Variants in SMG1 observed in about 807,000 individuals in gnomAD.
SMG1 encodes the protein SMG1 nonsense mediated mRNA decay associated PI3K related kinase.
Under a neutral mutation model 419.9 loss-of-function variants are expected in SMG1, and 22 were observed. That is an observed-to-expected ratio of 0.05 (90% CI 0.04 to 0.07). The LOEUF (loss-of-function observed/expected upper bound fraction) is 0.07, where lower values mean the gene tolerates loss of function less well. Ranked by LOEUF, SMG1 falls within the 10% of genes least tolerant of loss-of-function variation. SMG1 has a pLI of 1.00. For synonymous variants in SMG1, 1,538 were observed against 1,553.5 expected, an observed-to-expected ratio of 0.99 and a Z score of 0.23; for missense variants, 3,185 against 4,342.0, an observed-to-expected ratio of 0.73 and a Z score of 7.49.
chr16:18,853,550 A>G, intron 31 of SMG1, 33 bp downstream of exon 31: 1 of 1,469,246 alleles, frequency 6.8e-7, no homozygotes, highest in Non-Finnish European at 9.0e-7. Flanking sequence ...AGCTTCTAAA[A>G]TTAATATTCT....
chr16:18,919,260 G>A (rs1052310245), intron 1 of SMG1, among the ~76,000 whole-genome samples: 1 of 151,838 alleles, frequency 6.6e-6, no homozygotes, highest in Non-Finnish European at 1.5e-5. Flanking sequence ...CCAGGAGGCC[G>A]AGGTTGCAGT....
intron 38 of SMG1, among the ~76,000 whole-genome samples, chr16:18,845,892 T>G (rs909893583): frequency 6.6e-6 from 1 of 152,068 alleles, no homozygotes; most frequent in Non-Finnish European, 1.5e-5. Context: ...CTTGGCTCAC[T>G]GCAACCTCCA....
rs186140231 is a variant in SMG1 at position 18,883,167 on chromosome 16, G to C, written c.1120-829C>G. Among the ~76,000 whole-genome samples, 223 of 152,330 alleles carry C rather than the reference G, an allele frequency of 1.5e-3. 2 individuals are homozygous for C. Among genetic ancestry groups the C allele is most frequent in the Admixed American group, 3.2e-3 (49 of 15,296 alleles). On this transcript the variant is annotated intron_variant, in intron 9 of 62. Transcript: ENST00000446231. ...CAAAATGAGGCTAAAATCTTTATGGGAGCCTTGATTGGTTGATCTGAATAG... is the reference window on the plus strand; with the variant it reads ...CAAAATGAGGCTAAAATCTTTATGGCAGCCTTGATTGGTTGATCTGAATAG...
intron 1 of SMG1, among the ~76,000 whole-genome samples, chr16:18,913,993 CCT>C (rs948455734): frequency 2.0e-5 from 3 of 151,834 alleles, no homozygotes; most frequent in African/African-American, 7.3e-5. Flanking sequence ...ACAGTGAAAC[CCT>C]GTCTCTACTA....
At chr16:18,853,998 A>G in intron 30 of SMG1, 131 bp from the exon 31 acceptor site, 7 of 693,802 alleles carry the variant, frequency 1.0e-5, no homozygotes, top group Non-Finnish European at 1.6e-5. Context: ...TCCTATGCTC[A>G]AGCATAGGAG....
intron 1 of SMG1, among the ~76,000 whole-genome samples, chr16:18,901,339 G>A (rs1027189655): frequency 6.6e-6 from 1 of 152,016 alleles, no homozygotes; most frequent in African/African-American, 2.4e-5. Flanking sequence ...TCAAACAGCT[G>A]GGACCACAGG....
intron 60 of SMG1, among the ~76,000 whole-genome samples, 171 bp downstream of exon 60, chr16:18,815,004 C>CA (rs989346904): frequency 6.6e-6 from 1 of 151,782 alleles, no homozygotes; most frequent in African/African-American, 2.4e-5. Flanking sequence ...AGGTGTGAGC[C>CA]ATCGTGCCTG....
At chr16:18,886,821 A>C (rs1002907745) in intron 6 of SMG1, among the ~76,000 whole-genome samples, 6 of 152,204 alleles carry the variant, frequency 3.9e-5, no homozygotes, top group African/African-American at 7.2e-5. Context: ...GAGAAAAAGA[A>C]AACCATTATT....
rs2034649469 is a variant in SMG1 at position 18,852,350 on chromosome 16, A to G, written c.4881T>C (p.Tyr1627=). The change falls in exon 32 of 63, where the codon TAT becomes TAC. Residue 1627 remains tyrosine, a synonymous_variant. Transcript: ENST00000446231. The part of the protein sequence containing the change: ...KSWAALASWA[Y]RWGRKVVDNA... Reference sequence around the variant, plus strand: ...TGTCAACCACCTTTCTGCCCCACCTATAAGCCCAGCTGGCCAACGCTGCCC... The same window carrying G: ...TGTCAACCACCTTTCTGCCCCACCTGTAAGCCCAGCTGGCCAACGCTGCCC... The G allele has an allele frequency of 4.3e-6, 7 of 1,613,542 alleles. No individual in the cohort carries two copies. Among genetic ancestry groups the G allele is most frequent in the East Asian group, 2.2e-5 (1 of 44,898 alleles).
Position 18,836,190 on chromosome 16 carries a change from T to C in SMG1, c.7800A>G (p.Ala2600=). 6.2e-7 allele frequency: 1 copy of C among 1,612,152 alleles called. No individual in the cohort carries two copies. The highest frequency in any genetic ancestry group is 1.1e-5 in the South Asian group (1 of 90,732). ...GACCAGCATTCTGCAGAAAGGCTGTTGCTGGCACGTAACTTGGAGGACCTT... is the reference window on the plus strand; with the variant it reads ...GACCAGCATTCTGCAGAAAGGCTGTCGCTGGCACGTAACTTGGAGGACCTT... ...MDLGPPSYVP[A]TAFLQNAGQA... is the part of the protein sequence containing the mutation. The change falls in exon 48 of 63, where the codon GCA becomes GCG. Residue 2600 remains alanine (A), a synonymous_variant. Transcript: ENST00000446231.
At chr16:18,860,952 C>A (rs1287450296) in intron 25 of SMG1, 176 bp from the exon 26 acceptor site, 1 of 500,308 alleles carries the variant, frequency 2.0e-6, no homozygotes, top group Non-Finnish European at 3.6e-6. Flanking sequence ...GATGTGACTA[C>A]CACTTAATTA....
In SMG1 at chr16:18,896,083, A is replaced by C; in HGVS notation, c.381T>G (p.Ala127=). The change falls in exon 3 of 63, where the codon GCT becomes GCG. Residue 127 remains alanine (A), a synonymous_variant. Coordinates refer to ENST00000446231, the MANE Select transcript of SMG1 (RefSeq NM_015092.5). The part of the protein sequence containing the change: ...EFTSVQHGSR[A]LATKDMRKSQ... ...ATTTCCTCATGTCTTTGGTGGCTAA[A>C]GCACGACTGCCATGCTGAACACTGG... is the stretch of plus-strand genomic sequence containing the variant. 1.2e-6 allele frequency: 2 copies of C among 1,611,392 alleles called. No individual in the cohort carries two copies. The highest frequency in any genetic ancestry group is 1.7e-6 in the Non-Finnish European group (2 of 1,179,340).
chr16:18,903,814 C>A (rs1314822082), intron 1 of SMG1, among the ~76,000 whole-genome samples: 1 of 152,128 alleles, frequency 6.6e-6, no homozygotes, highest in African/African-American at 2.4e-5. Flanking sequence ...ACAAATTCAC[C>A]TGCATCTGCA....
rs1237633695 is a variant in SMG1, at chr16:18,926,282, A to T, written c.-241T>A. ...GGAGGCGGGAGCGGCGCGGTGAGAG[A>T]GAGGCGGATGAAGGGGAGGCGACGT... is the stretch of plus-strand genomic sequence containing the variant. On this transcript the variant is annotated 5_prime_UTR_variant, in exon 1 of 63. Transcript: ENST00000446231. 1 of 512,532 alleles carries T rather than the reference A, an allele frequency of 2.0e-6. No individual in the cohort carries two copies. The highest frequency in any genetic ancestry group is 2.1e-5 in the African/African-American group (1 of 48,562). The allele number at this position is 512,532 out of a possible 1,614,324, so 31.7% of individuals were successfully genotyped here. A position where few individuals can be genotyped will look rare whatever the true frequency, so the allele number is the denominator to read the frequency against.
intron 1 of SMG1, among the ~76,000 whole-genome samples, chr16:18,906,179 TCAC>T (rs2037553505): frequency 7.4e-6 from 1 of 135,634 alleles, no homozygotes; most frequent in African/African-American, 2.5e-5. Context: ...ACATTCTACT[TCAC>T]CAACAAAAAA....
At chr16:18,813,161 TTA>T (rs1446201056) in intron 60 of SMG1, among the ~76,000 whole-genome samples, 3 of 152,144 alleles carry the variant, frequency 2.0e-5, no homozygotes, top group Non-Finnish European at 4.4e-5. Context: ...GCAGCATGAT[TTA>T]TAGTCCTTTG....
Position 18,841,721 on chromosome 16 carries a change from A to G in SMG1, c.6540T>C (p.Ile2180=), listed in dbSNP as rs1189908885. ...LSIVNTMFAT[I]NRQETPRFHA... ...GGAACCGGGGTGTTTCTTGGCGATTAATTGTAGCAAACATGGTATTCACAA... is the reference window on the plus strand; with the variant it reads ...GGAACCGGGGTGTTTCTTGGCGATTGATTGTAGCAAACATGGTATTCACAA... Residue 2180 remains isoleucine, a synonymous_variant, in exon 41 of 63, where the codon ATT becomes ATC. Transcript: ENST00000446231. 6.2e-7 allele frequency: 1 copy of G among 1,614,006 alleles called. No individual in the cohort carries two copies. Among genetic ancestry groups the G allele is most frequent in the Non-Finnish European group, 8.5e-7 (1 of 1,179,890 alleles).
rs200264113 is a variant in SMG1, at chr16:18,894,281, TA to T, written c.412+1770del. Among the ~76,000 whole-genome samples, 529 of 150,326 alleles carry T rather than the reference TA, an allele frequency of 3.5e-3. 1 individual carries two copies. The highest frequency in any genetic ancestry group is 6.8e-3 in the Middle Eastern group (2 of 292). ...GCACTGGTATCCTGAACTTAAAAGT[TA>T]AAAAAAAAGAAACTACAATGTCTGA... On this transcript the variant is annotated intron_variant, in intron 3 of 62. Transcript: ENST00000446231.
At chr16:18,881,391 T>C (rs2036390576) in intron 10 of SMG1, among the ~76,000 whole-genome samples, 1 of 152,184 alleles carries the variant, frequency 6.6e-6, no homozygotes, top group Non-Finnish European at 1.5e-5. Context: ...AGTTCTGACA[T>C]TTCTGCTCAA....
Sources: allele counts gnomAD v4.1 joint callset (sites outside exome capture counted in the v4.1 genomes callset), GRCh38; gene constraint gnomAD v4.1.1; transcripts MANE v1.5; gene names NCBI Gene and HGNC (gene_info 2026-07-23, HGNC 2026-07-21).